KIF1A: variants seen among roughly 807,000 people sequenced by gnomAD.
KIF1A encodes kinesin family member 1A.
KIF1A carries 46 observed loss-of-function variants against 227.3 expected under a neutral mutation model. That is an observed-to-expected ratio of 0.20 (90% CI 0.16 to 0.26). KIF1A has a LOEUF of 0.26. Ranked by LOEUF, KIF1A falls within the 10% of genes least tolerant of loss-of-function variation. The probability of loss-of-function intolerance (pLI) is 1.00; values close to 1 mark genes in which losing one functional copy is unlikely to be tolerated. For synonymous variants in KIF1A, 1,022 were observed against 1,012.8 expected (o/e 1.01, Z -0.17); for missense variants, 1,683 against 2,485.9 (o/e 0.68, Z 6.87).
At chr2:240,717,526 G>T in intron 48 of KIF1A, 120 bp from the exon 49 acceptor site, 3 of 857,944 alleles carry the variant, frequency 3.5e-6, no homozygotes, top group Non-Finnish European at 5.6e-6. Context: ...GTCCCCGCTG[G>T]TTCCCTCACC....
chr2:240,821,106 G>A (rs1238132078), upstream of KIF1A, among the ~76,000 whole-genome samples: 3 of 152,120 alleles, frequency 2.0e-5, no homozygotes. Flanking sequence ...AAAGCCTCTG[G>A]GCAGCTCGCC....
chr2:240,760,014 T>G (rs903056098), intron 25 of KIF1A, among the ~76,000 whole-genome samples: 4 of 147,788 alleles, frequency 2.7e-5, no homozygotes, highest in Admixed American at 6.7e-5. Flanking sequence ...AGGCCCTGTC[T>G]CTTAAAGAAA....
At chr2:240,749,104 C>T (rs1435973083) in intron 28 of KIF1A, among the ~76,000 whole-genome samples, 2 of 148,946 alleles carry the variant, frequency 1.3e-5, no homozygotes, top group Non-Finnish European at 3.0e-5. Context: ...TCCAGCCTGG[C>T]GACAGAGCAA....
chr2:240,745,987 A>T, intron 30 of KIF1A, 52 bp downstream of exon 30: 1 of 1,598,548 alleles, frequency 6.3e-7, no homozygotes, highest in South Asian at 1.1e-5. Context: ...CGGGCTCAGG[A>T]ACCAGGTCTC....
chr2:240,757,589 G>A lies in KIF1A; in HGVS notation c.2588C>T (p.Ala863Val), dbSNP rs1338633633. The A allele has an allele frequency of 1.3e-6, 2 of 1,550,434 alleles. No individual in the cohort carries two copies. Among genetic ancestry groups the A allele is most frequent in the South Asian group, 1.2e-5 (1 of 83,994 alleles). Reference protein sequence around the residue: ...FPWFRLVGSSAISGCNSYPLL... With the variant: ...FPWFRLVGSSVISGCNSYPLL... ...AGGGTAGCTGTTGCAGCCAGAGATG[G>A]CTGAACTGAGGTTAGTGCGACAAGA... The change falls in exon 27 of 49, where the codon GCC (alanine) becomes GTC (valine). Residue 863 changes from alanine to valine, a missense_variant. Ala to Val is a moderately conservative substitution (Grantham distance 64). Coordinates refer to ENST00000498729, the MANE Select transcript of KIF1A (RefSeq NM_001244008.2). The surrounding 1 kb of genome is among the most constrained non-coding windows in gnomAD (Gnocchi z 6.2).
At chr2:240,776,034 G>T in intron 10 of KIF1A, 108 bp from the exon 11 acceptor site, 3 of 784,006 alleles carry the variant, frequency 3.8e-6, no homozygotes, top group Non-Finnish European at 4.5e-6. Flanking sequence ...TGGAGGCTGG[G>T]CAAGGGGCGG....
Position 240,725,618 on chromosome 2 carries a change from C to A in KIF1A, c.4123-214G>T, listed in dbSNP as rs1332838031. ...GGACAGGTAGCCACAGCTCTGTCCACCCCTGGGCTGCCTGAGGGACTGGTC... is the reference window on the plus strand; with the variant it reads ...GGACAGGTAGCCACAGCTCTGTCCAACCCTGGGCTGCCTGAGGGACTGGTC... On this transcript the variant is annotated intron_variant, in intron 39 of 48. Coordinates refer to ENST00000498729, the MANE Select transcript of KIF1A (RefSeq NM_001244008.2). This position sits in a 1 kb window ranked among gnomAD's most constrained non-coding sequence, Gnocchi z 5.8. The A allele has an allele frequency of 1.4e-5, 8 of 560,786 alleles. No individual in the cohort carries two copies. The Admixed American group carries it at 2.6e-4, about 18-fold the overall frequency. 34.7% of individuals were successfully genotyped at this position (560,786 alleles called of 1,614,324 possible). A position where few individuals can be genotyped will look rare whatever the true frequency, so the allele number is the denominator to read the frequency against.
At chr2:240,813,787 C>T (rs1182321141) in intron 1 of KIF1A, among the ~76,000 whole-genome samples, 5 of 152,070 alleles carry the variant, frequency 3.3e-5, no homozygotes, top group Admixed American at 1.3e-4. Context: ...CTTCCTCGGG[C>T]GTGAGAACAG....
chr2:240,774,325 C>A, intron 11 of KIF1A, 64 bp from the exon 12 acceptor site: 1 of 1,070,366 alleles, frequency 9.3e-7, no homozygotes, highest in African/African-American at 1.6e-5. Flanking sequence ...TGTCTGCTCC[C>A]CCCTTCCCCC....
intron 37 of KIF1A, 105 bp from the exon 38 acceptor site, chr2:240,737,273 G>A (rs2047445980): frequency 2.4e-6 from 2 of 848,532 alleles, no homozygotes; most frequent in African/African-American, 1.7e-5. Flanking sequence ...TCCCCACATG[G>A]TCACTAGAGC....
intron 38 of KIF1A, among the ~76,000 whole-genome samples, chr2:240,731,390 C>A (rs371235893): frequency 6.6e-6 from 1 of 152,326 alleles, no homozygotes; most frequent in African/African-American, 2.4e-5. Context: ...ACATCGGATG[C>A]GGCTCTGGCC....
intron 7 of KIF1A, among the ~76,000 whole-genome samples, 157 bp from the exon 8 acceptor site, chr2:240,783,973 C>T (rs2054398064): frequency 6.6e-6 from 1 of 152,202 alleles, no homozygotes; most frequent in African/African-American, 2.4e-5. Context: ...GTCCTGACCC[C>T]GCAGTTTCCA....
At chr2:240,779,028 T>G (rs1352346569) in intron 10 of KIF1A, among the ~76,000 whole-genome samples, 6 of 151,744 alleles carry the variant, frequency 4.0e-5, no homozygotes, top group Non-Finnish European at 1.5e-5. Flanking sequence ...AGTTCCACAC[T>G]CAGTTCCACA....
In KIF1A at chr2:240,790,964, C is replaced by T. The variant is rs10209240; in HGVS notation, c.107-1652G>A. Among the ~76,000 whole-genome samples the T allele has an allele frequency of 0.031, 4,709 of 152,220 alleles. 223 individuals carry two copies. Among genetic ancestry groups the T allele is most frequent in the African/African-American group, 0.1 (4,279 of 41,510 alleles). ...GGCACTGAGACCCCCTCTGGCCAAG[C>T]GTCTTGCTGACAGCACAGGCATCAC... On this transcript the variant is annotated intron_variant, in intron 2 of 48. Transcript: ENST00000498729. The surrounding 1 kb of genome is among the most constrained non-coding windows in gnomAD (Gnocchi z 5.0).
intron 38 of KIF1A, among the ~76,000 whole-genome samples, chr2:240,730,890 A>C (rs1291166698): frequency 6.6e-6 from 1 of 152,158 alleles, no homozygotes; most frequent in East Asian, 1.9e-4. Flanking sequence ...GGCACCCCTG[A>C]GGGCCGCAGC....
In KIF1A at chr2:240,737,142, C is replaced by A. The variant is rs371252476; in HGVS notation, c.3928G>T (p.Asp1310Tyr). 6.2e-7 allele frequency: 1 copy of A among 1,613,598 alleles called. No individual in the cohort carries two copies. The highest frequency in any genetic ancestry group is 8.5e-7 in the Non-Finnish European group (1 of 1,179,624). ...VGRIRNTPET[D>Y]ESLIDPNILS... ...ATGTTGGGGTCGATCAGGGACTCGT[C>A]GGTCTCTGGAGTGTTTCGGATGCGG... is the stretch of plus-strand genomic sequence containing the variant. The change falls in exon 38 of 49, where the codon GAC becomes TAC. Residue 1310 changes from aspartate to tyrosine, a missense_variant. Coordinates refer to ENST00000498729, the MANE Select transcript of KIF1A (RefSeq NM_001244008.2).
chr2:240,730,410 G>A (rs1390247821), intron 38 of KIF1A, among the ~76,000 whole-genome samples: 1 of 152,162 alleles, frequency 6.6e-6, no homozygotes, highest in Non-Finnish European at 1.5e-5. Flanking sequence ...GAGGGCCTTG[G>A]AGACCACTCC....
At chr2:240,718,907 T>C in intron 47 of KIF1A, 99 bp downstream of exon 47, 1 of 962,662 alleles carries the variant, frequency 1.0e-6, no homozygotes, top group Non-Finnish European at 1.6e-6. Context: ...GGTGAGCAGA[T>C]GGGCCTCCTG....
At chr2:240,724,559 G>A in intron 40 of KIF1A, 1 of 180,694 alleles carries the variant, frequency 5.5e-6, no homozygotes, top group East Asian at 1.8e-4. Flanking sequence ...TTTCCTCCCA[G>A]CTGTGCCCAG....
Sources: allele counts gnomAD v4.1 joint callset (sites outside exome capture counted in the v4.1 genomes callset), GRCh38; gene constraint gnomAD v4.1.1; non-coding constraint Gnocchi (gnomAD v3.1); transcripts MANE v1.5; gene names NCBI Gene and HGNC (gene_info 2026-07-23, HGNC 2026-07-21).